CDH18: variants seen among roughly 807,000 people sequenced by gnomAD.
The protein encoded by CDH18 is cadherin-18.
Under a neutral mutation model 67.9 loss-of-function variants are expected in CDH18, and 31 were observed. The observed-to-expected ratio is 0.46, with a 90% CI of 0.34 to 0.62. The LOEUF is 0.62. CDH18 is among the 20% of genes least tolerant of loss of function. CDH18 has a pLI of 0.01. For synonymous variants in CDH18, 362 were observed against 347.2 expected, an observed-to-expected ratio of 1.04 and a Z score of -0.48; for missense variants, 890 against 975.5, an observed-to-expected ratio of 0.91 and a Z score of 1.17.
At chr5:19,907,612 A>G (rs991668537) in intron 2 of CDH18, among the ~76,000 whole-genome samples, 1 of 152,030 alleles carries the variant, frequency 6.6e-6, no homozygotes, top group African/African-American at 2.4e-5. Context: ...AGGATGCTCA[A>G]TCTGAGGTAT....
At chr5:19,674,459 A>C (rs1423228285) in intron 5 of CDH18, among the ~76,000 whole-genome samples, 2 of 152,048 alleles carry the variant, frequency 1.3e-5, no homozygotes, top group Non-Finnish European at 2.9e-5. Flanking sequence ...AATTTTTTCT[A>C]ACAATTTTTC....
intron 7 of CDH18, among the ~76,000 whole-genome samples, chr5:19,576,310 T>C (rs1742304933): frequency 2.0e-5 from 3 of 151,880 alleles, no homozygotes; most frequent in Admixed American, 2.0e-4. Context: ...GAAGAGATAA[T>C]ACATGATTTG....
chr5:19,917,861 T>G (rs1476879640), intron 2 of CDH18, among the ~76,000 whole-genome samples: 1 of 152,168 alleles, frequency 6.6e-6, no homozygotes, highest in African/African-American at 2.4e-5. Context: ...TTTAGCTCCT[T>G]GATGCAGCAC....
chr5:20,295,630 G>A (rs1328696598), intron 1 of CDH18, among the ~76,000 whole-genome samples: 1 of 151,704 alleles, frequency 6.6e-6, no homozygotes, highest in African/African-American at 2.4e-5. Context: ...GGGAGGCTAA[G>A]GCAGGAGAAT....
At chr5:19,873,264 T>C (rs1343477516) in intron 2 of CDH18, among the ~76,000 whole-genome samples, 1 of 151,272 alleles carries the variant, frequency 6.6e-6, no homozygotes, top group Admixed American at 6.6e-5. Flanking sequence ...ATGGTTCAGC[T>C]TAAAGTACCA....
chr5:19,838,910 G>A lies in CDH18; in HGVS notation c.77C>T (p.Ala26Val), dbSNP rs1415952233. ...LCFVQRCYGT[A>V]HHSSIKVMRN... is the part of the protein sequence containing the mutation. ...CATCACCTTGATGGAGCTGTGGTGA[G>A]CAGTTCCATAACACCTCTGCACAAA... Residue 26 changes from alanine (A) to valine (V), a missense_variant, in exon 3 of 13, where the codon GCT (alanine) becomes GTT (valine). This residue lies in a region of CDH18 where 234 missense variants were observed against 307.4 expected (regional missense o/e 0.76). Transcript: ENST00000382275. The A allele has an allele frequency of 1.2e-6, 2 of 1,613,990 alleles. No homozygotes were observed. The highest frequency in any genetic ancestry group is 8.5e-7 in the Non-Finnish European group (1 of 1,179,850).
chr5:19,875,447 G>GATCC lies in CDH18; in HGVS notation c.-256-36206_-256-36205insGGAT, dbSNP rs1399436982. ...AGATAGATAGATAGATAGATCGATCGATCTATAGATAGATAGATGGATAGA... is the reference window on the plus strand; with the variant it reads ...AGATAGATAGATAGATAGATCGATCGATCCATCTATAGATAGATAGATGGATAGA... On this transcript the variant is annotated intron_variant, in intron 2 of 12. Coordinates refer to ENST00000382275, the MANE Select transcript of CDH18 (RefSeq NM_004934.5). Among the ~76,000 whole-genome samples, 1,095 of 147,888 alleles carry GATCC rather than the reference G, an allele frequency of 7.4e-3. 1 individual carries two copies. Among genetic ancestry groups the GATCC allele is most frequent in the Non-Finnish European group, 0.012 (817 of 67,808 alleles).
intron 2 of CDH18, among the ~76,000 whole-genome samples, chr5:19,916,692 A>T (rs968244111): frequency 1.6e-4 from 25 of 152,152 alleles, no homozygotes. Flanking sequence ...TCTATTTTTT[A>T]AATTGGAATT....
intron 2 of CDH18, among the ~76,000 whole-genome samples, chr5:19,858,959 G>C (rs183507573): frequency 9.3e-5 from 14 of 151,280 alleles, no homozygotes; most frequent in African/African-American, 3.1e-4. Context: ...AACTGAGCAT[G>C]AAAAATGAAA....
chr5:20,357,463 T>A (rs1043314092), intron 1 of CDH18, among the ~76,000 whole-genome samples: 1 of 152,124 alleles, frequency 6.6e-6, no homozygotes, highest in Admixed American at 6.5e-5. Context: ...CAAAACTAAA[T>A]AACTTTCTAT....
At chr5:19,552,519 C>T (rs573404623) in intron 8 of CDH18, among the ~76,000 whole-genome samples, 1 of 152,232 alleles carries the variant, frequency 6.6e-6, no homozygotes, top group East Asian at 1.9e-4. Flanking sequence ...TTGAAATAGA[C>T]TCAACGGCTA....
chr5:19,595,339 A>G (rs1198693950), intron 6 of CDH18, among the ~76,000 whole-genome samples: 2 of 152,246 alleles, frequency 1.3e-5, no homozygotes, highest in African/African-American at 4.8e-5. Context: ...AAAAATGTAA[A>G]AAGACAAATA....
intron 2 of CDH18, among the ~76,000 whole-genome samples, chr5:19,922,538 T>G (rs1033750046): frequency 9.8e-5 from 15 of 152,336 alleles, no homozygotes; most frequent in Admixed American, 7.8e-4. Context: ...ATTTTTGACA[T>G]GAAAATCAAC....
intron 2 of CDH18, among the ~76,000 whole-genome samples, chr5:20,168,213 C>A (rs552429372): frequency 6.6e-6 from 1 of 152,008 alleles, no homozygotes; most frequent in East Asian, 1.9e-4. Context: ...CTGACCAATA[C>A]GCAACATAAC....
At position 20,107,613 on chromosome 5, in the gene CDH18, T is replaced by C. The variant is rs183912775; in HGVS notation, c.-517-115599A>G. ...GCAGACATTGATTTTCTTATAGTTC[T>C]AGTGACTACAAGTCCAACAAGCAGT... On this transcript the variant is annotated intron_variant, in intron 2 of 14. Coordinates refer to the CDH18 transcript ENST00000507958. Among the ~76,000 whole-genome samples, 33 of 152,306 alleles carry C rather than the reference T, an allele frequency of 2.2e-4. No homozygotes were observed. The East Asian group carries it at 6.2e-3, about 29-fold the overall frequency.
intron 2 of CDH18, among the ~76,000 whole-genome samples, chr5:19,845,081 C>T (rs1436017887): frequency 6.6e-6 from 1 of 152,044 alleles, no homozygotes; most frequent in Non-Finnish European, 1.5e-5. Context: ...AATATTGTCT[C>T]TTAAACATTT....
intron 1 of CDH18, among the ~76,000 whole-genome samples, chr5:20,552,088 G>T (rs1341769048): frequency 6.6e-6 from 1 of 151,868 alleles, no homozygotes; most frequent in African/African-American, 2.4e-5. Context: ...GCAATAGCAG[G>T]TATGTTTGCC....
chr5:19,612,230 G>A (rs956828665), intron 6 of CDH18, among the ~76,000 whole-genome samples: 1 of 151,932 alleles, frequency 6.6e-6, no homozygotes, highest in African/African-American at 2.4e-5. Flanking sequence ...CTCCAACTCT[G>A]AACACATTCC....
At chr5:20,026,471 T>A (rs1478454437) in intron 2 of CDH18, among the ~76,000 whole-genome samples, 1 of 152,230 alleles carries the variant, frequency 6.6e-6, no homozygotes, top group African/African-American at 2.4e-5. Context: ...CCTGTAATTG[T>A]ACATTATGTA....
Sources: allele counts gnomAD v4.1 joint callset (sites outside exome capture counted in the v4.1 genomes callset), GRCh38; gene constraint gnomAD v4.1.1; regional missense constraint gnomAD v4.1.1; transcripts MANE v1.5; gene names NCBI Gene and HGNC (gene_info 2026-07-23, HGNC 2026-07-21).